Variants in CELSR1 observed in about 807,000 individuals in gnomAD.
CELSR1 encodes the protein cadherin EGF LAG seven-pass G-type receptor 1.
Under a neutral mutation model 249.1 loss-of-function variants are expected in CELSR1, and 110 were observed. The observed-to-expected ratio is 0.44, with a 90% confidence interval of 0.38 to 0.52. The LOEUF is 0.52. Among genes scored for constraint, CELSR1 ranks in the 20% least tolerant of loss-of-function variants. CELSR1 has a pLI of 0.00. For synonymous variants in CELSR1, 2,113 were observed against 1,900.0 expected (o/e 1.11, Z -2.92); for missense variants, 4,109 against 4,296.4 (o/e 0.96, Z 1.22).
chr22:46,369,658 G>A (rs1569107487), intron 26 of CELSR1, 34 bp downstream of exon 26: 1 of 1,591,256 alleles, frequency 6.3e-7, no homozygotes, highest in Non-Finnish European at 8.6e-7. Flanking sequence ...GCATGTTTGG[G>A]GCACCCGGAC....
intron 3 of CELSR1, among the ~76,000 whole-genome samples, chr22:46,438,359 C>A (rs917746965): frequency 6.6e-6 from 1 of 151,458 alleles, no homozygotes; most frequent in East Asian, 1.9e-4. Flanking sequence ...AGCTAGGCGC[C>A]CCCCAACCCG....
rs951982747 is a variant in CELSR1, at chr22:46,471,455, T to C, written c.3545-7110A>G. Among the ~76,000 whole-genome samples the C allele has an allele frequency of 2.0e-5, 3 of 152,120 alleles. No homozygotes were observed. The highest frequency in any genetic ancestry group is 6.6e-5 in the Admixed American group (1 of 15,254). ...CCCAGGCTGGAATGCAGTGGTGTGA[T>C]TACTGCAGCCTTGAGCTTTGAGCTC... On this transcript the variant is annotated intron_variant, in intron 1 of 34. Coordinates refer to ENST00000674500, the MANE Select transcript of CELSR1 (RefSeq NM_001378328.1). This position sits in a 1 kb window ranked among gnomAD's most constrained non-coding sequence, Gnocchi z 4.9.
At position 46,517,904 on chromosome 22, in the gene CELSR1, CTTT is replaced by C. The variant is rs11370514; in HGVS notation, c.3544+15720_3544+15722del. Among the ~76,000 whole-genome samples the C allele has an allele frequency of 8.4e-4, 116 of 138,328 alleles. No homozygotes were observed. Among genetic ancestry groups the C allele is most frequent in the African/African-American group, 3.0e-3 (112 of 37,396 alleles). The allele number at this position is 138,328 out of a possible 152,430, so 90.7% of individuals were successfully genotyped here. A position where few individuals can be genotyped will look rare whatever the true frequency, so the allele number is the denominator to read the frequency against. ...ACACACCTCCCACGGTGTCCCCTTC[CTTT>C]TTTTTTTTTTTTGAGACAGAGTTTC... On this transcript the variant is annotated intron_variant, in intron 1 of 34. Coordinates refer to ENST00000674500, the MANE Select transcript of CELSR1 (RefSeq NM_001378328.1). This position sits in a 1 kb window ranked among gnomAD's most constrained non-coding sequence, Gnocchi z 5.4.
In CELSR1 at chr22:46,536,953, A is replaced by G. The variant is rs2080865156; in HGVS notation, c.218T>C (p.Leu73Pro). Residue 73 changes from leucine (L) to proline (P), a missense_variant, in exon 1 of 35, where the codon CTG (leucine) becomes CCG (proline). By Grantham distance (98) the Leu-to-Pro change is moderately conservative (BLOSUM62 -3). Around this residue, in one of 7 missense-constraint regions of CELSR1, gnomAD observed 673 missense variants for 636.8 expected, o/e 1.06. Transcript: ENST00000674500. Reference sequence around the variant, plus strand: ...GCCCGAGACGCGCCGACGTCCTGCCAGCCGCCCATCGCGGCCCACGTCCAG... The same window carrying G: ...GCCCGAGACGCGCCGACGTCCTGCCGGCCGCCCATCGCGGCCCACGTCCAG... ...ELLDVGRDGR[L>P]AGRRRVSGAG... The G allele has an allele frequency of 1.7e-6, 2 of 1,153,208 alleles. No individual in the cohort carries two copies. The highest frequency in any genetic ancestry group is 1.6e-5 in the African/African-American group (1 of 60,930). 71.4% of individuals were successfully genotyped at this position (1,153,208 alleles called of 1,614,324 possible).
chr22:46,382,364 G>A (rs1602051559), intron 20 of CELSR1, among the ~76,000 whole-genome samples: 2 of 152,020 alleles, frequency 1.3e-5, no homozygotes, highest in Non-Finnish European at 2.9e-5. Context: ...TGCAAGCTCC[G>A]CCTCCCGGGT....
chr22:46,497,529 T>A (rs2080424838), intron 1 of CELSR1, among the ~76,000 whole-genome samples: 1 of 152,204 alleles, frequency 6.6e-6, no homozygotes, highest in South Asian at 2.1e-4. Context: ...TACTCTCTGG[T>A]CTTCACACAT....
At chr22:46,469,705 G>A (rs927035381) in intron 1 of CELSR1, among the ~76,000 whole-genome samples, 11 of 151,356 alleles carry the variant, frequency 7.3e-5, no homozygotes, top group African/African-American at 2.4e-4. Flanking sequence ...TAGTAGACGA[G>A]GTTTCACCAC....
intron 1 of CELSR1, among the ~76,000 whole-genome samples, chr22:46,502,071 T>C (rs1295046649): frequency 6.6e-6 from 1 of 151,652 alleles, no homozygotes; most frequent in Non-Finnish European, 1.5e-5. Context: ...TTGAGACCAG[T>C]CCAGGCAATG....
rs1252991488 is a variant in CELSR1, at chr22:46,527,078, C to G, written c.3544+6549G>C. On this transcript the variant is annotated intron_variant, in intron 1 of 34. Transcript: ENST00000674500. This position sits in a 1 kb window ranked among gnomAD's most constrained non-coding sequence, Gnocchi z 5.5. ...CCACTGCTGCCATCACAAGCTGGTG[C>G]CCTGGGAGCCCTGTCCTTGGTTTGC... is the stretch of plus-strand genomic sequence containing the variant. 6.6e-6 allele frequency among the ~76,000 whole-genome samples: 1 copy of G among 152,196 alleles called. No homozygotes were observed. Among genetic ancestry groups the G allele is most frequent in the Non-Finnish European group, 1.5e-5 (1 of 68,042 alleles).
chr22:46,503,266 C>T (rs1044501779), intron 1 of CELSR1, among the ~76,000 whole-genome samples: 4 of 152,270 alleles, frequency 2.6e-5, no homozygotes, highest in Admixed American at 1.3e-4. Flanking sequence ...GCAGCAGACC[C>T]TTTGCTGGGA....
In CELSR1 at chr22:46,363,441, T is replaced by C; in HGVS notation, c.9036-194A>G. On this transcript the variant is annotated intron_variant, in intron 34 of 34. Transcript: ENST00000674500. This position sits in a 1 kb window ranked among gnomAD's most constrained non-coding sequence, Gnocchi z 4.3. ...GCAGGAGAGGGGACCAGGACCAGCC[T>C]GTGGGCCTCTGTGTTGCTGGTCTTT... 5.4e-6 allele frequency: 3 copies of C among 552,418 alleles called. No individual in the cohort carries two copies. Among genetic ancestry groups the C allele is most frequent in the Non-Finnish European group, 9.8e-6 (3 of 307,500 alleles). 34.2% of individuals were successfully genotyped at this position (552,418 alleles called of 1,614,324 possible). A position where few individuals can be genotyped will look rare whatever the true frequency, so the allele number is the denominator to read the frequency against.
chr22:46,460,213 A>C (rs8139238), intron 2 of CELSR1, among the ~76,000 whole-genome samples: 5 of 103,512 alleles, frequency 4.8e-5, no homozygotes, highest in South Asian at 3.6e-4. Flanking sequence ...ACACACACAC[A>C]CACCCATTAG....
At chr22:46,364,768 C>T (rs9615352) in intron 32 of CELSR1, 32 bp from the exon 33 acceptor site, 128,221 of 1,588,008 alleles carry the variant, frequency 0.081, 5,762 homozygotes, top group Non-Finnish European at 0.094. Flanking sequence ...CAGCAGGCAG[C>T]GGCACTGCCA....
chr22:46,499,807 C>T (rs982362632), intron 1 of CELSR1, among the ~76,000 whole-genome samples: 1 of 152,120 alleles, frequency 6.6e-6, no homozygotes, highest in African/African-American at 2.4e-5. Flanking sequence ...AGCCATTAGG[C>T]GCTGGCCCGG....
Position 46,447,428 on chromosome 22 carries a change from A to C in CELSR1, c.4184-8017T>G, listed in dbSNP as rs553634457. ...ACCCTAGGATTCTGCTTGGAGTCAA[A>C]GGCTTGCTGAGTCATTCAAACCTGG... On this transcript the variant is annotated intron_variant, in intron 2 of 34. Transcript: ENST00000674500. The surrounding 1 kb of genome is among the most constrained non-coding windows in gnomAD (Gnocchi z 4.7). Among the ~76,000 whole-genome samples, 1 of 152,228 alleles carries C rather than the reference A, an allele frequency of 6.6e-6. No individual in the cohort carries two copies.
At chr22:46,497,003 GA>G (rs960094002) in intron 1 of CELSR1, among the ~76,000 whole-genome samples, 2 of 152,152 alleles carry the variant, frequency 1.3e-5, no homozygotes, top group African/African-American at 4.8e-5. Context: ...GTGTGTGCTA[GA>G]ATTTTACACG....
chr22:46,534,263 C>T lies in CELSR1; in HGVS notation c.2908G>A (p.Ala970Thr). The change falls in exon 1 of 35, where the codon GCT (alanine) becomes ACT (threonine). Residue 970 changes from alanine to threonine, a missense_variant. Ala to Thr is a moderately conservative substitution (Grantham distance 58). Around this residue, in one of 7 missense-constraint regions of CELSR1, gnomAD observed 886 missense variants for 896.5 expected, o/e 0.99. Transcript: ENST00000674500. The surrounding 1 kb of genome is among the most constrained non-coding windows in gnomAD (Gnocchi z 9.7). ...GGAGTGGGACTGCCCCGATCCACAGCCAGAGCCCAAAGGTTGTACACGGCC... is the reference window on the plus strand; with the variant it reads ...GGAGTGGGACTGCCCCGATCCACAGTCAGAGCCCAAAGGTTGTACACGGCC... ...NVAVYNLWAL[A>T]VDRGSPTPLS... 1 of 1,613,476 alleles carries T rather than the reference C, an allele frequency of 6.2e-7. No individual in the cohort carries two copies. The highest frequency in any genetic ancestry group is 1.6e-4 in the Middle Eastern group (1 of 6,062).
At chr22:46,493,151 G>A (rs766218775) in intron 1 of CELSR1, among the ~76,000 whole-genome samples, 1 of 152,194 alleles carries the variant, frequency 6.6e-6, no homozygotes, top group Non-Finnish European at 1.5e-5. Context: ...TTGGGAGGCT[G>A]AGGCAGGAAG....
At chr22:46,523,494 C>A (rs955556808) in intron 1 of CELSR1, among the ~76,000 whole-genome samples, 1 of 150,854 alleles carries the variant, frequency 6.6e-6, no homozygotes, top group Non-Finnish European at 1.5e-5. Flanking sequence ...CACCACTGCA[C>A]TCCAGCCTGG....
Sources: gnomAD v4.1 joint callset for allele counts (sites outside exome capture counted in the v4.1 genomes callset) on GRCh38, gnomAD v4.1.1 for gene constraint, gnomAD v4.1.1 regional missense constraint, Gnocchi (gnomAD v3.1) non-coding constraint, MANE v1.5 for transcripts, NCBI Gene and HGNC (gene_info 2026-07-23, HGNC 2026-07-21) for gene names.